The following PIKFYVE variants were observed in gnomAD, a reference collection of about 807,000 sequenced individuals.
PIKFYVE encodes the protein 1-phosphatidylinositol 3-phosphate 5-kinase.
A neutral mutation model predicts 257.9 loss-of-function variants in PIKFYVE; 122 were observed. The observed-to-expected ratio is 0.47, with a 90% CI of 0.41 to 0.55. The LOEUF is 0.55. PIKFYVE is among the 20% of genes least tolerant of loss of function. The pLI, the probability that PIKFYVE is intolerant of heterozygous loss-of-function variation, is 0.00. For synonymous variants in PIKFYVE, 892 were observed against 868.9 expected (o/e 1.03, Z -0.47); for missense variants, 2,160 against 2,536.6 (o/e 0.85, Z 3.19).
chr2:208,285,427 T>G (rs2125143948), intron 5 of PIKFYVE, among the ~76,000 whole-genome samples: 1 of 152,240 alleles, frequency 6.6e-6, no homozygotes. Context: ...ATTATAAATG[T>G]TTATGGTAGT....
In PIKFYVE at chr2:208,325,490, T is replaced by G. The variant is rs746042089; in HGVS notation, c.2679T>G (p.Ile893Met). ...AAAACCCTTCATTCCATTCCCTGAT[T>G]GAGGGACGAGGGCATGAGGGGGCTG... is the stretch of plus-strand genomic sequence containing the variant. ...LMQNPSFHSL[I>M]EGRGHEGAVQ... is the part of the protein sequence containing the mutation. Residue 893 changes from isoleucine to methionine, a missense_variant, in exon 20 of 42, where the codon ATT becomes ATG. By Grantham distance (10) the Ile-to-Met change is conservative. Around this residue, in one of 12 missense-constraint regions of PIKFYVE, gnomAD observed 522 missense variants for 514.6 expected, o/e 1.01. Coordinates refer to ENST00000264380, the MANE Select transcript of PIKFYVE (RefSeq NM_015040.4). 2 of 1,614,154 alleles carry G rather than the reference T, an allele frequency of 1.2e-6. No homozygotes were observed. The highest frequency in any genetic ancestry group is 1.7e-6 in the Non-Finnish European group (2 of 1,180,012).
intron 28 of PIKFYVE, among the ~76,000 whole-genome samples, chr2:208,338,009 C>A (rs902593592): frequency 6.6e-6 from 1 of 152,142 alleles, no homozygotes; most frequent in Non-Finnish European, 1.5e-5. Context: ...AGGCGTAAGC[C>A]ACCACACCTG....
chr2:208,332,426 A>G (rs1335500114), intron 23 of PIKFYVE, among the ~76,000 whole-genome samples: 3 of 152,170 alleles, frequency 2.0e-5, no homozygotes, highest in Admixed American at 1.3e-4. Flanking sequence ...GATCATATAA[A>G]TGTTTATGCC....
In PIKFYVE at chr2:208,298,603, T is replaced by G. The variant is rs372826603; in HGVS notation, c.912-38T>G. On this transcript the variant is annotated intron_variant, in intron 7 of 41. Coordinates refer to ENST00000264380, the MANE Select transcript of PIKFYVE (RefSeq NM_015040.4). The stretch of plus-strand genomic sequence containing the variant: ...TGTAATTCTGTTTATTGAAGAAGAA[T>G]TTACACCTGTGATTTCACTTCTTGT... 1.4e-4 allele frequency: 222 copies of G among 1,611,282 alleles called. No homozygotes were observed. In the African/African-American group the frequency reaches 2.7e-3, roughly 20 times the overall value.
intron 23 of PIKFYVE, among the ~76,000 whole-genome samples, chr2:208,332,769 GTA>G (rs982859733): frequency 6.6e-6 from 1 of 150,788 alleles, no homozygotes; most frequent in African/African-American, 2.4e-5. Flanking sequence ...GTGTGTGTGT[GTA>G]TATATATATA....
At chr2:208,322,033 A>G (rs924966171) in intron 17 of PIKFYVE, among the ~76,000 whole-genome samples, 11 of 152,156 alleles carry the variant, frequency 7.2e-5, no homozygotes, top group African/African-American at 2.7e-4. Context: ...AGATCCAGAA[A>G]AAGGGATAAC....
intron 2 of PIKFYVE, 95 bp downstream of exon 2, chr2:208,271,786 G>C: frequency 8.1e-7 from 1 of 1,236,506 alleles, no homozygotes; most frequent in Non-Finnish European, 1.2e-6. Flanking sequence ...ATAGTGGTTA[G>C]TACTCTGTTC....
At chr2:208,317,768 AAT>A in intron 15 of PIKFYVE, 97 bp from the exon 16 acceptor site, 1 of 1,154,318 alleles carries the variant, frequency 8.7e-7, no homozygotes, top group Non-Finnish European at 1.3e-6. Flanking sequence ...TTGATTACAT[AAT>A]AGTTTAAAAA....
At chr2:208,320,012 A>G (rs935864009) in intron 16 of PIKFYVE, among the ~76,000 whole-genome samples, 5 of 152,198 alleles carry the variant, frequency 3.3e-5, no homozygotes, top group African/African-American at 1.2e-4. Flanking sequence ...AGTATAGAAG[A>G]TCAAAGTAGT....
chr2:208,273,663 G>T lies in PIKFYVE; in HGVS notation c.252G>T (p.Gln84His). Residue 84 changes from glutamine (Q) to histidine (H), a missense_variant, in exon 3 of 42, where the codon CAG (glutamine) becomes CAT (histidine). By Grantham distance (24) the Gln-to-His change is conservative (BLOSUM62 0). Around this residue, in one of 12 missense-constraint regions of PIKFYVE, gnomAD observed 172 missense variants for 180.6 expected, o/e 0.95. Coordinates refer to ENST00000264380, the MANE Select transcript of PIKFYVE (RefSeq NM_015040.4). The stretch of plus-strand genomic sequence containing the variant: ...GCCCTCAGCTCCCTTCGAGGACACA[G>T]TCTGTTAGGTCACCCACACCTTATA... ...WTSPQLPSRT[Q>H]SVRSPTPYKK... The T allele has an allele frequency of 1.2e-6, 2 of 1,614,156 alleles. No homozygotes were observed. Among genetic ancestry groups the T allele is most frequent in the Non-Finnish European group, 1.7e-6 (2 of 1,180,022 alleles).
intron 5 of PIKFYVE, among the ~76,000 whole-genome samples, chr2:208,282,681 A>C (rs1258829879): frequency 6.6e-6 from 1 of 152,232 alleles, no homozygotes; most frequent in Non-Finnish European, 1.5e-5. Flanking sequence ...ATCCAAAAAA[A>C]ATAACCTTCA....
Position 208,324,933 on chromosome 2 carries a change from G to T in PIKFYVE, c.2354G>T (p.Arg785Leu). ...TAGCAAGTTTTGGAACGAATCAGTC[G>T]AATGACCCAAGGTGATTTAGTGATG... The part of the protein sequence containing the change: ...VKSQVLERIS[R>L]MTQGDLVMSM... The change falls in exon 19 of 42, where the codon CGA becomes CTA. Residue 785 changes from arginine to leucine, a missense_variant. By Grantham distance (102) the Arg-to-Leu change is moderately radical. This residue lies in a region of PIKFYVE where 346 missense variants were observed against 365.6 expected (regional missense o/e 0.95). Transcript: ENST00000264380. 2 of 1,613,914 alleles carry T rather than the reference G, an allele frequency of 1.2e-6. No individual in the cohort carries two copies. Among genetic ancestry groups the T allele is most frequent in the Non-Finnish European group, 1.7e-6 (2 of 1,179,922 alleles).
intron 7 of PIKFYVE, among the ~76,000 whole-genome samples, chr2:208,290,150 A>G (rs896517274): frequency 1.3e-5 from 2 of 152,178 alleles, no homozygotes; most frequent in Non-Finnish European, 2.9e-5. Flanking sequence ...AATAGTTAAC[A>G]TTAGAATTCA....
rs1007059399 is a variant in PIKFYVE, at chr2:208,273,469, T to G, written c.173-115T>G. 5.2e-6 allele frequency: 6 copies of G among 1,154,924 alleles called. No homozygotes were observed. The East Asian group carries it at 1.5e-4, about 30-fold the overall frequency. The allele number at this position is 1,154,924 out of a possible 1,614,324, so 71.5% of individuals were successfully genotyped here. On this transcript the variant is annotated intron_variant, in intron 2 of 41. Transcript: ENST00000264380. ...AATAAATGAAAAAGGAAAAAAAAAA[T>G]TTTTAGTTACGCATATAATACATGC...
At position 208,339,344 on chromosome 2, in the gene PIKFYVE, G is replaced by A. The variant is rs1698478713; in HGVS notation, c.4673-74G>A. On this transcript the variant is annotated intron_variant, in intron 29 of 41. Coordinates refer to ENST00000264380, the MANE Select transcript of PIKFYVE (RefSeq NM_015040.4). ...TTTTAGGAAGTAGGCATATGAATGA[G>A]CATTTAAAAAATATTAGGTAGACAT... 6 of 1,540,404 alleles carry A rather than the reference G, an allele frequency of 3.9e-6. No homozygotes were observed. In the Admixed American group the frequency reaches 5.0e-5, roughly 13 times the overall value.
At chr2:208,346,294 G>T (rs1699225894) in intron 34 of PIKFYVE, 147 bp downstream of exon 34, 2 of 750,700 alleles carry the variant, frequency 2.7e-6, no homozygotes, top group Non-Finnish European at 4.5e-6. Flanking sequence ...ATTTTTGTAT[G>T]CCCTCTTTAT....
chr2:208,351,909 A>G (rs773041601), intron 38 of PIKFYVE, among the ~76,000 whole-genome samples: 18 of 152,170 alleles, frequency 1.2e-4, no homozygotes, highest in Non-Finnish European at 2.5e-4. Context: ...TAACATTTCA[A>G]CATGAGATTT....
Position 208,300,933 on chromosome 2 carries a change from G to T in PIKFYVE, c.1051-4G>T, listed in dbSNP as rs190427474. 26 of 1,613,986 alleles carry T rather than the reference G, an allele frequency of 1.6e-5. No individual in the cohort carries two copies. In the East Asian group the frequency reaches 5.6e-4, roughly 35 times the overall value. On this transcript the variant is annotated splice_region_variant and splice_polypyrimidine_tract_variant and intron_variant, in intron 8 of 41. Transcript: ENST00000264380. ...GTAACTACTTGCTGTTAATGTGATT[G>T]CAGGACAGTGTGCAGTTAAAAGACC...
intron 2 of PIKFYVE, among the ~76,000 whole-genome samples, chr2:208,272,234 C>CA (rs567085787): frequency 0.038 from 5,115 of 133,410 alleles, 252 homozygotes; most frequent in African/African-American, 0.11. Flanking sequence ...GACTCCATCT[C>CA]AAAAAATAAA....
Sources: allele counts gnomAD v4.1 joint callset (sites outside exome capture counted in the v4.1 genomes callset), GRCh38; gene constraint gnomAD v4.1.1; regional missense constraint gnomAD v4.1.1; transcripts MANE v1.5; gene names NCBI Gene and HGNC (gene_info 2026-07-23, HGNC 2026-07-21).